BRD10: variants seen among roughly 807,000 people sequenced by gnomAD.
The protein encoded by BRD10 is bromodomain containing 10, also known as uncharacterized bromodomain-containing protein 10.
chr9:5,941,139 A>T, the BRD10 span, among the ~76,000 whole-genome samples: 28 of 152,150 alleles, frequency 1.8e-4, no homozygotes, highest in African/African-American at 6.0e-4. Flanking sequence ...AAACTTAGAA[A>T]TATAAGTTTG....
the BRD10 span, among the ~76,000 whole-genome samples, chr9:5,935,005 T>A: frequency 6.6e-6 from 1 of 152,176 alleles, no homozygotes; most frequent in East Asian, 1.9e-4. Context: ...CATACTAACA[T>A]ATTCCTGCAT....
chr9:5,921,014 G>C, the BRD10 span: 1 of 1,613,934 alleles, frequency 6.2e-7, no homozygotes. Flanking sequence ...GGAACCCAAA[G>C]ATAAATTTGC....
the BRD10 span, among the ~76,000 whole-genome samples, chr9:5,905,847 C>A: frequency 5.9e-5 from 9 of 152,188 alleles, no homozygotes; most frequent in African/African-American, 1.4e-4. Flanking sequence ...TTCTCAGGAC[C>A]TCTTGAGACT....
chr9:5,892,660 C>T, the BRD10 span: 1 of 812,582 alleles, frequency 1.2e-6, no homozygotes, highest in Non-Finnish European at 1.9e-6. Flanking sequence ...GTGTTTATCT[C>T]CCCAGACAGT....
At chr9:5,924,944 TTTA>T in the BRD10 span, 2 of 861,036 alleles carry the variant, frequency 2.3e-6, no homozygotes, top group South Asian at 7.7e-5. Flanking sequence ...GGAAATATTT[TTTA>T]TTAAGTCACT....
At chr9:5,972,339 G>T in the BRD10 span, among the ~76,000 whole-genome samples, 4 of 152,108 alleles carry the variant, frequency 2.6e-5, no homozygotes, top group South Asian at 8.3e-4. Flanking sequence ...TTTTGAATAC[G>T]AATTAAAAAG....
chr9:5,908,738 A>C, the BRD10 span: 1 of 1,587,734 alleles, frequency 6.3e-7, no homozygotes, highest in South Asian at 1.1e-5. Flanking sequence ...GACATGCTGA[A>C]ATTATTTCTC....
the BRD10 span, chr9:5,920,431 T>A: frequency 7.2e-5 from 117 of 1,613,846 alleles, no homozygotes; most frequent in Admixed American, 1.0e-4. Flanking sequence ...CATTGGATGG[T>A]GCCGAAGCCG....
the BRD10 span, among the ~76,000 whole-genome samples, chr9:5,907,610 A>T: frequency 6.6e-6 from 1 of 152,382 alleles, no homozygotes; most frequent in African/African-American, 2.4e-5. Flanking sequence ...AAATATTTTA[A>T]GATTAATTTT....
At chr9:5,999,300 C>T in the BRD10 span, among the ~76,000 whole-genome samples, 1 of 151,994 alleles carries the variant, frequency 6.6e-6, no homozygotes, top group Admixed American at 6.6e-5. Flanking sequence ...CTCAATTTGG[C>T]AAAATTTCTC....
chr9:5,997,075 C>T, the BRD10 span, among the ~76,000 whole-genome samples: 262 of 152,296 alleles, frequency 1.7e-3, no homozygotes, highest in Non-Finnish European at 2.0e-3. Flanking sequence ...CAGATTCAGA[C>T]AATGGCACAA....
chr9:5,916,555 TATATATAAAAC>T, the BRD10 span, among the ~76,000 whole-genome samples: 175 of 121,086 alleles, frequency 1.4e-3, no homozygotes, highest in East Asian at 0.017. Flanking sequence ...AACTAATCAC[TATATATAAAAC>T]ATATATAAAA....
At chr9:6,007,676 T>C in the BRD10 span, 1 of 1,608,674 alleles carries the variant, frequency 6.2e-7, no homozygotes, top group Non-Finnish European at 8.5e-7. Context: ...GGCCCTGAGG[T>C]CTGGGCCGCC....
the BRD10 span, among the ~76,000 whole-genome samples, chr9:5,970,878 C>G: frequency 7.9e-5 from 12 of 151,454 alleles, no homozygotes; most frequent in Middle Eastern, 3.4e-3. Flanking sequence ...GTGGTAAAAC[C>G]CCTTCTCTTT....
the BRD10 span, chr9:5,898,948 A>G: frequency 6.6e-6 from 1 of 152,192 alleles, no homozygotes; most frequent in African/African-American, 2.4e-5. Context: ...TTACCCAAAT[A>G]TGCAGGAAGC....
the BRD10 span, among the ~76,000 whole-genome samples, chr9:5,960,393 C>G: frequency 6.6e-6 from 1 of 152,036 alleles, no homozygotes; most frequent in Non-Finnish European, 1.5e-5. Flanking sequence ...GAAATCTCAT[C>G]TCTACTAAAA....
chr9:5,921,896 T>G, the BRD10 span: 8 of 1,613,982 alleles, frequency 5.0e-6, no homozygotes, highest in Non-Finnish European at 6.8e-6. Flanking sequence ...TTTGAGATTT[T>G]TCCCCATGGA....
the BRD10 span, among the ~76,000 whole-genome samples, chr9:5,926,100 T>C: frequency 6.6e-6 from 1 of 151,978 alleles, no homozygotes; most frequent in Non-Finnish European, 1.5e-5. Flanking sequence ...GTATTTTTAG[T>C]AGAGACGGGG....
At chr9:5,947,073 C>G in the BRD10 span, among the ~76,000 whole-genome samples, 3 of 152,024 alleles carry the variant, frequency 2.0e-5, no homozygotes, top group Non-Finnish European at 4.4e-5. Context: ...TATTTATGTT[C>G]CATTTAAAGC....
Sources: gnomAD v4.1 joint callset for allele counts (sites outside exome capture counted in the v4.1 genomes callset) on GRCh38, gnomAD v4.1.1 for gene constraint, MANE v1.5 for transcripts, NCBI Gene and HGNC (gene_info 2026-07-23, HGNC 2026-07-21) for gene names.